Variants in PICK1 observed in about 807,000 individuals in gnomAD.
The protein encoded by PICK1 is protein interacting with PRKCA 1.
A neutral mutation model predicts 48.9 loss-of-function variants in PICK1; 23 were observed. The observed-to-expected ratio is 0.47, with a 90% confidence interval of 0.34 to 0.67. The LOEUF is 0.67. Among genes scored for constraint, PICK1 ranks in the 30% least tolerant of loss-of-function variants. The probability of loss-of-function intolerance (pLI) is 0.01; values close to 1 mark genes in which losing one functional copy is unlikely to be tolerated. For missense variants in PICK1, 423 were observed against 557.1 expected, an observed-to-expected ratio of 0.76 and a Z score of 2.42; for synonymous variants, 217 against 228.2, an observed-to-expected ratio of 0.95 and a Z score of 0.44.
At chr22:38,060,464 C>G (rs1462272960) in intron 3 of PICK1, among the ~76,000 whole-genome samples, 1 of 152,200 alleles carries the variant, frequency 6.6e-6, no homozygotes, top group Non-Finnish European at 1.5e-5. Flanking sequence ...CTGTTCTAAC[C>G]CTCTCACTGG....
In PICK1 at chr22:38,074,457, C is replaced by G. The variant is rs137938646; in HGVS notation, c.979+6C>G. On this transcript the variant is annotated splice_donor_region_variant and intron_variant, in intron 12 of 12. Transcript: ENST00000356976. The surrounding 1 kb of genome is among the most constrained non-coding windows in gnomAD (Gnocchi z 4.5). ...GCTGCTGGACCAGAAGCACGGTGAG[C>G]GCCGCCCTCCTCCCCGTCCGCTCTC... 1 of 1,612,988 alleles carries G rather than the reference C, an allele frequency of 6.2e-7. No individual in the cohort carries two copies. Among genetic ancestry groups the G allele is most frequent in the East Asian group, 2.2e-5 (1 of 44,876 alleles).
Position 38,066,734 on chromosome 22 carries a change from G to T in PICK1, c.283-970G>T, listed in dbSNP as rs1337031774. 1.3e-5 allele frequency among the ~76,000 whole-genome samples: 2 copies of T among 152,202 alleles called. No homozygotes were observed. Among genetic ancestry groups the T allele is most frequent in the Non-Finnish European group, 2.9e-5 (2 of 68,042 alleles). The stretch of plus-strand genomic sequence containing the variant: ...CATCTGCTCATTTTGGTTTCCCTTT[G>T]GGACTTGATTTTAAAATCCTGTTTT... On this transcript the variant is annotated intron_variant, in intron 4 of 12. Coordinates refer to ENST00000356976, the MANE Select transcript of PICK1 (RefSeq NM_012407.4). This position sits in a 1 kb window ranked among gnomAD's most constrained non-coding sequence, Gnocchi z 4.1.
rs1419010036 is a variant in PICK1, at chr22:38,066,270, T to A, written c.282+1140T>A. Among the ~76,000 whole-genome samples, 1 of 152,188 alleles carries A rather than the reference T, an allele frequency of 6.6e-6. No homozygotes were observed. ...ACCTGTTAGGCAGAGGAGCTGATCA[T>A]GGGAACAGGTGCAGGGGGTCTCGTT... On this transcript the variant is annotated intron_variant, in intron 4 of 12. Coordinates refer to ENST00000356976, the MANE Select transcript of PICK1 (RefSeq NM_012407.4). The surrounding 1 kb of genome is among the most constrained non-coding windows in gnomAD (Gnocchi z 4.1).
At chr22:38,062,902 T>C (rs959486541) in intron 3 of PICK1, among the ~76,000 whole-genome samples, 1 of 152,240 alleles carries the variant, frequency 6.6e-6, no homozygotes, top group African/African-American at 2.4e-5. Context: ...GCCATTCTTA[T>C]TGGTGATCCT....
At chr22:38,059,125 G>A (rs908882382) in intron 2 of PICK1, 109 bp from the exon 3 acceptor site, 1 of 761,596 alleles carries the variant, frequency 1.3e-6, no homozygotes, top group Non-Finnish European at 2.3e-6. Context: ...CCAAGGGAGG[G>A]AGAGAAAAAG....
Position 38,075,447 on chromosome 22 carries a change from T to G in PICK1, c.*315T>G. ...GGAAGGAAAAGAAAGGACTTGGAGG[T>G]GGCAGGAGTCCGAGCCCTGCTCCTT... On this transcript the variant is annotated 3_prime_UTR_variant, in exon 13 of 13. Transcript: ENST00000356976. The G allele has an allele frequency of 5.9e-6, 2 of 341,768 alleles. No homozygotes were observed. The highest frequency in any genetic ancestry group is 5.4e-6 in the Non-Finnish European group (1 of 184,544). 21.2% of individuals were successfully genotyped at this position (341,768 alleles called of 1,614,324 possible). A position where few individuals can be genotyped will look rare whatever the true frequency, so the allele number is the denominator to read the frequency against.
intron 7 of PICK1, among the ~76,000 whole-genome samples, chr22:38,071,120 G>A (rs1335924231): frequency 6.6e-6 from 1 of 152,232 alleles, no homozygotes; most frequent in Non-Finnish European, 1.5e-5. Context: ...GCTGAGGTGG[G>A]CGGATCACTT....
Position 38,075,189 on chromosome 22 carries a change from C to T in PICK1, c.*57C>T, listed in dbSNP as rs182411306. 1.3e-4 allele frequency: 202 copies of T among 1,538,352 alleles called. 2 individuals are homozygous for T. In the Admixed American group the frequency reaches 2.2e-3, roughly 17 times the overall value. On this transcript the variant is annotated 3_prime_UTR_variant, in exon 13 of 13. Coordinates refer to ENST00000356976, the MANE Select transcript of PICK1 (RefSeq NM_012407.4). ...TGCGTGGGAGGACGGAGCCTGGGAG[C>T]GGGGCGGGGCCGCCGCGCAAGGGGG... is the stretch of plus-strand genomic sequence containing the variant.
In PICK1 at chr22:38,066,017, C is replaced by G. The variant is rs1270249489; in HGVS notation, c.282+887C>G. 6.6e-6 allele frequency among the ~76,000 whole-genome samples: 1 copy of G among 152,178 alleles called. No homozygotes were observed. Among genetic ancestry groups the G allele is most frequent in the Non-Finnish European group, 1.5e-5 (1 of 68,034 alleles). On this transcript the variant is annotated intron_variant, in intron 4 of 12. Transcript: ENST00000356976. The surrounding 1 kb of genome is among the most constrained non-coding windows in gnomAD (Gnocchi z 4.1). ...GCCAGCCGCTGCTCCATCCTCTCTC[C>G]CCTTTATCCTCCTGTCCTGCTCCTG...
intron 9 of PICK1, 130 bp downstream of exon 9, chr22:38,072,740 G>T (rs1446626104): frequency 8.3e-6 from 11 of 1,327,746 alleles, no homozygotes; most frequent in Admixed American, 1.7e-5. Flanking sequence ...CCACACAGTG[G>T]ACTGTGGGTG....
chr22:38,070,919 A>G (rs776160139), intron 7 of PICK1, 28 bp downstream of exon 7: 1 of 1,593,996 alleles, frequency 6.3e-7, no homozygotes, highest in Non-Finnish European at 8.6e-7. Flanking sequence ...TCGTCCTGGC[A>G]CTAGCTCTAC....
Position 38,075,045 on chromosome 22 carries a change from G to C in PICK1, c.1161G>C (p.Glu387Asp). 1 of 1,613,056 alleles carries C rather than the reference G, an allele frequency of 6.2e-7. No individual in the cohort carries two copies. Among genetic ancestry groups the C allele is most frequent in the Non-Finnish European group, 8.5e-7 (1 of 1,179,876 alleles). The part of the protein sequence containing the change: ...EFTDGEEEEE[E>D]EDTAAGEPSR... ...CAGATGGGGAGGAGGAGGAGGAGGA[G>C]GAAGACACGGCAGCTGGGGAGCCGT... The change falls in exon 13 of 13, where the codon GAG becomes GAC. Residue 387 changes from glutamate to aspartate, a missense_variant. Coordinates refer to ENST00000356976, the MANE Select transcript of PICK1 (RefSeq NM_012407.4).
chr22:38,069,221 G>A (rs551737263), intron 6 of PICK1, 99 bp downstream of exon 6: 39 of 866,644 alleles, frequency 4.5e-5, no homozygotes, highest in Admixed American at 2.6e-4. Flanking sequence ...TGTGGGTCCC[G>A]CGGGTCTGAC....
Position 38,072,562 on chromosome 22 carries a change from C to T in PICK1, c.642C>T (p.His214=), listed in dbSNP as rs1405971534. The T allele has an allele frequency of 1.2e-6, 2 of 1,613,476 alleles. No individual in the cohort carries two copies. Among genetic ancestry groups the T allele is most frequent in the Admixed American group, 3.3e-5 (2 of 60,026 alleles). The change falls in exon 9 of 13, where the codon CAC becomes CAT. Residue 214 remains histidine (H), a synonymous_variant. Coordinates refer to ENST00000356976, the MANE Select transcript of PICK1 (RefSeq NM_012407.4). ...CTTTTGTGAAGTTCGCCGATGCCCA[C>T]CGCAGCATCGAGAAGTTCGGCATTC... ...SEAFVKFADA[H]RSIEKFGIRL...
At position 38,057,432 on chromosome 22, in the gene PICK1, G is replaced by C. The variant is rs966901366; in HGVS notation, c.-213G>C. On this transcript the variant is annotated 5_prime_UTR_variant, in exon 1 of 13. Transcript: ENST00000356976. ...AATCGCGGCCACCGCCAGGTGGAACGGCAGGTGGGTTCAGGTACCAGCCTG... is the reference window on the plus strand; with the variant it reads ...AATCGCGGCCACCGCCAGGTGGAACCGCAGGTGGGTTCAGGTACCAGCCTG... The C allele has an allele frequency of 3.8e-6, 1 of 262,830 alleles. No individual in the cohort carries two copies. The highest frequency in any genetic ancestry group is 7.3e-5 in the South Asian group (1 of 13,632). 16.3% of individuals were successfully genotyped at this position (262,830 alleles called of 1,614,324 possible).
Position 38,073,886 on chromosome 22 carries a change from G to A in PICK1, c.834+63G>A, listed in dbSNP as rs2085763604. ...CCACCTGGTCTGCCAGGGATAGCAG[G>A]TGGCTCAGGCCAACCCGGGAGAGAC... On this transcript the variant is annotated intron_variant, in intron 11 of 12. Transcript: ENST00000356976. The surrounding 1 kb of genome is among the most constrained non-coding windows in gnomAD (Gnocchi z 5.7). The A allele has an allele frequency of 6.5e-7, 1 of 1,545,686 alleles. No individual in the cohort carries two copies.
chr22:38,065,750 C>T (rs758940267), intron 4 of PICK1, among the ~76,000 whole-genome samples: 8 of 152,234 alleles, frequency 5.3e-5, no homozygotes, highest in Non-Finnish European at 7.3e-5. Context: ...TCTCCTGAAG[C>T]GAGCATGCAG....
At position 38,072,693 on chromosome 22, in the gene PICK1, G is replaced by C. The variant is rs2145881976; in HGVS notation, c.690+83G>C. On this transcript the variant is annotated intron_variant, in intron 9 of 12. Transcript: ENST00000356976. ...GGCATGCAGAGAAGGTCGTATGCTGGAGTCCTGTGCCTGGGTACAGCCTCT... is the reference window on the plus strand; with the variant it reads ...GGCATGCAGAGAAGGTCGTATGCTGCAGTCCTGTGCCTGGGTACAGCCTCT... The C allele has an allele frequency of 1.9e-6, 3 of 1,561,412 alleles. No individual in the cohort carries two copies. In the South Asian group the frequency reaches 3.3e-5, roughly 17 times the overall value.
rs1444426277 is a variant in PICK1 at position 38,073,176 on chromosome 22, G to T, written c.783+84G>T. The T allele has an allele frequency of 1.1e-6, 1 of 937,698 alleles. No individual in the cohort carries two copies. Among genetic ancestry groups the T allele is most frequent in the East Asian group, 2.4e-5 (1 of 41,524 alleles). The allele number at this position is 937,698 out of a possible 1,614,324, so 58.1% of individuals were successfully genotyped here. ...ACTTCAGTCAGCCATGCTGCGGCCAGCGAGGCCAGCCAGAGCTGACAGCAT... is the reference window on the plus strand; with the variant it reads ...ACTTCAGTCAGCCATGCTGCGGCCATCGAGGCCAGCCAGAGCTGACAGCAT... On this transcript the variant is annotated intron_variant, in intron 10 of 12. Coordinates refer to ENST00000356976, the MANE Select transcript of PICK1 (RefSeq NM_012407.4). The surrounding 1 kb of genome is among the most constrained non-coding windows in gnomAD (Gnocchi z 5.7).
Sources: gnomAD v4.1 joint callset for allele counts (sites outside exome capture counted in the v4.1 genomes callset) on GRCh38, gnomAD v4.1.1 for gene constraint, Gnocchi (gnomAD v3.1) non-coding constraint, MANE v1.5 for transcripts, NCBI Gene and HGNC (gene_info 2026-07-23, HGNC 2026-07-21) for gene names.